The following NVL variants were observed in gnomAD, a reference collection of about 807,000 sequenced individuals.
NVL encodes nuclear VCP like, also known as nuclear valosin-containing protein-like.
A neutral mutation model predicts 110.2 loss-of-function variants in NVL; 84 were observed. The observed-to-expected ratio is 0.76, with a 90% CI of 0.64 to 0.91. NVL has a LOEUF of 0.91. Among genes scored for constraint, NVL ranks in the 40% least tolerant of loss-of-function variants. The probability of loss-of-function intolerance (pLI) is 0.00; values close to 1 mark genes in which losing one functional copy is unlikely to be tolerated. For synonymous variants in NVL, 354 were observed against 361.1 expected (o/e 0.98, Z 0.22); for missense variants, 882 against 1,035.9 (o/e 0.85, Z 2.04).
Position 224,273,050 on chromosome 1 carries a change from A to AC in NVL, c.2082+2288_2082+2289insG, listed in dbSNP as rs747574588. Among the ~76,000 whole-genome samples, 1,190 of 141,836 alleles carry AC rather than the reference A, an allele frequency of 8.4e-3. 48 individuals are homozygous for AC. Among genetic ancestry groups the AC allele is most frequent in the Non-Finnish European group, 0.012 (799 of 65,920 alleles). 93.0% of individuals were successfully genotyped at this position (141,836 alleles called of 152,430 possible). A position where few individuals can be genotyped will look rare whatever the true frequency, so the allele number is the denominator to read the frequency against. Reference sequence around the variant, plus strand: ...CTCCGTCTCAAAAAAAAACAAAAAAAACAAACAAACAAAAAAAAACACAAC... The same window carrying AC: ...CTCCGTCTCAAAAAAAAACAAAAAAACACAAACAAACAAAAAAAAACACAAC... On this transcript the variant is annotated intron_variant, in intron 17 of 22. Transcript: ENST00000281701.
chr1:224,317,806 GA>G lies in NVL; in HGVS notation c.185-14del, dbSNP rs1324788436. The G allele has an allele frequency of 6.4e-7, 1 of 1,571,710 alleles. No homozygotes were observed. Among genetic ancestry groups the G allele is most frequent in the Non-Finnish European group, 8.7e-7 (1 of 1,144,648 alleles). On this transcript the variant is annotated splice_polypyrimidine_tract_variant and intron_variant, in intron 3 of 22. Transcript: ENST00000281701. ...ATTATGCTAAATACTGAAACAAAAA[GA>G]AAAACGCTATGAGCTAAAACAATCG...
At chr1:224,267,920 T>C in intron 18 of NVL, 114 bp downstream of exon 18, 1 of 718,830 alleles carries the variant, frequency 1.4e-6, no homozygotes. Context: ...ATGTGAATTA[T>C]ATTGTTTATA....
chr1:224,269,385 C>T (rs16845710), intron 17 of NVL, among the ~76,000 whole-genome samples: 2,920 of 152,234 alleles, frequency 0.019, 104 homozygotes, highest in African/African-American at 0.065. Flanking sequence ...TGCACCTGGA[C>T]GACACTAATG....
chr1:224,316,187 A>C lies in NVL; in HGVS notation c.284+1507T>G, dbSNP rs115866295. On this transcript the variant is annotated intron_variant, in intron 4 of 22. Transcript: ENST00000281701. ...AGACTCTGTCTCAAAAAAAACAAAC[A>C]AAAAAACAGATAAATAGATAAAATA... Among the ~76,000 whole-genome samples, 445 of 152,240 alleles carry C rather than the reference A, an allele frequency of 2.9e-3. 1 individual carries two copies. Among genetic ancestry groups the C allele is most frequent in the East Asian group, 5.8e-3 (30 of 5,192 alleles).
intron 2 of NVL, among the ~76,000 whole-genome samples, 183 bp from the exon 3 acceptor site, chr1:224,318,113 TC>T (rs1023374511): frequency 2.3e-3 from 2 of 876 alleles, no homozygotes; most frequent in African/African-American, 5.5e-3. Flanking sequence ...TTCTCCATTT[TC>T]CCCCTTTTTT....
At chr1:224,245,614 G>A (rs778539183) in intron 19 of NVL, among the ~76,000 whole-genome samples, 1 of 152,148 alleles carries the variant, frequency 6.6e-6, no homozygotes, top group Non-Finnish European at 1.5e-5. Context: ...CGTTGGCACA[G>A]ACAGAGGCTG....
intron 10 of NVL, among the ~76,000 whole-genome samples, chr1:224,297,203 G>A (rs1449091624): frequency 6.6e-6 from 1 of 152,146 alleles, no homozygotes; most frequent in Non-Finnish European, 1.5e-5. Flanking sequence ...TTTTCAGACT[G>A]TTGTGTAAAC....
At chr1:224,305,434 G>A (rs1329149330) in intron 6 of NVL, 1 of 300,624 alleles carries the variant, frequency 3.3e-6, no homozygotes, top group Non-Finnish European at 6.1e-6. Flanking sequence ...AGATTAGCAT[G>A]GCCCCTGTGC....
chr1:224,294,607 C>A (rs144461765), intron 11 of NVL, among the ~76,000 whole-genome samples, 196 bp from the exon 12 acceptor site: 5 of 152,232 alleles, frequency 3.3e-5, no homozygotes, highest in South Asian at 2.1e-4. Flanking sequence ...CTGTCCTCAG[C>A]AGTTCACAAT....
intron 18 of NVL, among the ~76,000 whole-genome samples, chr1:224,253,665 G>A (rs554762363): frequency 1.1e-4 from 17 of 150,338 alleles, no homozygotes; most frequent in African/African-American, 2.7e-4. Context: ...CTCAGGAGGC[G>A]GAGGTTGCAG....
chr1:224,256,253 C>T (rs893213920), intron 18 of NVL, among the ~76,000 whole-genome samples: 1 of 151,884 alleles, frequency 6.6e-6, no homozygotes, highest in African/African-American at 2.4e-5. Flanking sequence ...GGTGAAACTC[C>T]ATAACTACTG....
In NVL at chr1:224,289,576, C is replaced by T. The variant is rs1370742074; in HGVS notation, c.1483G>A (p.Glu495Lys). The change falls in exon 13 of 23, where the codon GAA (glutamate) becomes AAA (lysine). Residue 495 changes from glutamate (E) to lysine (K), a missense_variant. This residue lies in a region of NVL where 416 missense variants were observed against 499.3 expected (regional missense o/e 0.83). Transcript: ENST00000281701. ...AVNRVLMKLQ[E>K]QQKKNPEMED... ...ATTTCAGGATTTTTCTTCTGCTGTT[C>T]CTGTAGCTTCATTAAGACTCTATTG... 1 of 1,614,130 alleles carries T rather than the reference C, an allele frequency of 6.2e-7. No homozygotes were observed. The highest frequency in any genetic ancestry group is 1.3e-5 in the African/African-American group (1 of 74,944).
chr1:224,305,812 G>T (rs755581647), intron 6 of NVL, among the ~76,000 whole-genome samples: 1 of 152,208 alleles, frequency 6.6e-6, no homozygotes, highest in African/African-American at 2.4e-5. Flanking sequence ...CAAAGTGCTG[G>T]GATTACAGGC....
chr1:224,241,295 G>A (rs1316281442), intron 19 of NVL, among the ~76,000 whole-genome samples: 1 of 152,114 alleles, frequency 6.6e-6, no homozygotes, highest in Non-Finnish European at 1.5e-5. Flanking sequence ...TCAAGTGAGA[G>A]CAAAGAGAAA....
rs1329769545 is a variant in NVL at position 224,236,503 on chromosome 1, T to TAA, written c.2366+2_2366+3insTT. The stretch of plus-strand genomic sequence containing the variant: ...TGAATTGACTTAAGATTTAAACACT[T>TAA]ACGTATAGCAATCACAGCGAAGGTC... On this transcript the variant is annotated splice_region_variant and intron_variant, in intron 20 of 22. Transcript: ENST00000281701. 1.9e-6 allele frequency: 3 copies of TAA among 1,611,042 alleles called. No individual in the cohort carries two copies. Among genetic ancestry groups the TAA allele is most frequent in the Non-Finnish European group, 2.5e-6 (3 of 1,177,400 alleles).
chr1:224,227,590 G>C lies in NVL; in HGVS notation c.*36C>G, dbSNP rs771326911. On this transcript the variant is annotated 3_prime_UTR_variant, in exon 23 of 23. Coordinates refer to ENST00000281701, the MANE Select transcript of NVL (RefSeq NM_002533.4). ...CGTGTGGGGGATTCTCTGCCGGCTTGATGGGCTAGCTCCTCTAAGCCGGCT... is the reference window on the plus strand; with the variant it reads ...CGTGTGGGGGATTCTCTGCCGGCTTCATGGGCTAGCTCCTCTAAGCCGGCT... 9 of 1,593,820 alleles carry C rather than the reference G, an allele frequency of 5.6e-6. No homozygotes were observed. Among genetic ancestry groups the C allele is most frequent in the Non-Finnish European group, 7.7e-6 (9 of 1,165,336 alleles).
chr1:224,310,157 C>T (rs1173514672), intron 5 of NVL, among the ~76,000 whole-genome samples: 4 of 129,402 alleles, frequency 3.1e-5, no homozygotes, highest in South Asian at 2.4e-4. Context: ...TCAGCCTGGG[C>T]GACAGAGTGA....
rs751672939 is a variant in NVL at position 224,300,554 on chromosome 1, T to G, written c.1062+8A>C. 1.9e-6 allele frequency: 3 copies of G among 1,608,324 alleles called. No individual in the cohort carries two copies. Among genetic ancestry groups the G allele is most frequent in the Non-Finnish European group, 2.6e-6 (3 of 1,175,430 alleles). On this transcript the variant is annotated splice_region_variant and intron_variant, in intron 10 of 22. Transcript: ENST00000281701. ...TGACCACCTGGCATTAGTCATTAAC[T>G]GACTCACCACAGCTTGCTCAAATAG...
At chr1:224,251,669 T>C (rs1031352626) in intron 18 of NVL, among the ~76,000 whole-genome samples, 8 of 151,860 alleles carry the variant, frequency 5.3e-5, no homozygotes, top group African/African-American at 1.7e-4. Flanking sequence ...ACAAAACATG[T>C]CCTTAAGTAA....
Sources: gnomAD v4.1 joint callset for allele counts (sites outside exome capture counted in the v4.1 genomes callset) on GRCh38, gnomAD v4.1.1 for gene constraint, gnomAD v4.1.1 regional missense constraint, MANE v1.5 for transcripts, NCBI Gene and HGNC (gene_info 2026-07-23, HGNC 2026-07-21) for gene names.